The following CHN1 variants were observed in gnomAD, a reference collection of about 807,000 sequenced individuals.
CHN1 encodes the protein N-chimaerin.
Under a neutral mutation model 59.5 loss-of-function variants are expected in CHN1, and 37 were observed. The ratio of observed to expected loss-of-function variants is 0.62; its 90% confidence interval spans 0.48 to 0.82. The LOEUF is 0.82. Among genes scored for constraint, CHN1 ranks in the 40% least tolerant of loss-of-function variants. The pLI is 0.00. For synonymous variants in CHN1, 206 were observed against 200.4 expected, an observed-to-expected ratio of 1.03 and a Z score of -0.24; for missense variants, 469 against 571.0, an observed-to-expected ratio of 0.82 and a Z score of 1.82.
chr2:174,925,464 A>G (rs1384850422), intron 3 of CHN1, among the ~76,000 whole-genome samples: 1 of 152,212 alleles, frequency 6.6e-6, no homozygotes, highest in Non-Finnish European at 1.5e-5. Flanking sequence ...AACTGTGGAG[A>G]ATTTCCATTC....
chr2:174,945,267 A>G (rs370776393), intron 2 of CHN1: 39 of 400,218 alleles, frequency 9.7e-5, no homozygotes, highest in African/African-American at 7.6e-4. Context: ...GATGTCTATG[A>G]TATAAACCAA....
intron 5 of CHN1, among the ~76,000 whole-genome samples, chr2:174,890,458 T>A (rs184688106): frequency 3.4e-4 from 52 of 152,210 alleles, no homozygotes; most frequent in Admixed American, 1.9e-3. Flanking sequence ...CTCAAGAGGC[T>A]GAGGCAGAAG....
At chr2:174,940,083 G>GC (rs1689612890) in intron 3 of CHN1, among the ~76,000 whole-genome samples, 1 of 152,214 alleles carries the variant, frequency 6.6e-6, no homozygotes, top group African/African-American at 2.4e-5. Flanking sequence ...AAGCTGGAGT[G>GC]CAGTGGTGTG....
chr2:174,939,181 T>C (rs1284272558), intron 3 of CHN1, among the ~76,000 whole-genome samples: 2 of 152,164 alleles, frequency 1.3e-5, no homozygotes, highest in South Asian at 2.1e-4. Flanking sequence ...GACTCTAACA[T>C]CCATCTATTC....
chr2:174,959,665 T>C (rs1047249968), intron 1 of CHN1, among the ~76,000 whole-genome samples: 1 of 151,994 alleles, frequency 6.6e-6, no homozygotes, highest in African/African-American at 2.4e-5. Context: ...ATTCCTGAAA[T>C]AAAATGGCCT....
At chr2:174,824,982 AAC>A (rs750838297) in intron 7 of CHN1, among the ~76,000 whole-genome samples, 1 of 152,224 alleles carries the variant, frequency 6.6e-6, no homozygotes, top group Non-Finnish European at 1.5e-5. Flanking sequence ...ACAAGCAGTT[AAC>A]ATTTTTTTCA....
intron 5 of CHN1, among the ~76,000 whole-genome samples, chr2:174,884,164 G>A (rs1472695696): frequency 2.6e-5 from 4 of 151,510 alleles, no homozygotes; most frequent in Non-Finnish European, 4.4e-5. Flanking sequence ...GTAGAGACGG[G>A]GTTTCACCAT....
At position 174,799,861 on chromosome 2, in the gene CHN1, G is replaced by C; in HGVS notation, c.*255C>G. 1.7e-6 allele frequency: 1 copy of C among 593,950 alleles called. No homozygotes were observed. Among genetic ancestry groups the C allele is most frequent in the South Asian group, 1.5e-5 (1 of 65,728 alleles). The allele number at this position is 593,950 out of a possible 1,614,324, so 36.8% of individuals were successfully genotyped here. ...TGTATGGGGTTTCCTTGCCAGATAG[G>C]GGGCTAATCATGCAATAGCTTGAGT... On this transcript the variant is annotated 3_prime_UTR_variant, in exon 13 of 13. Transcript: ENST00000409900.
chr2:174,935,645 G>T (rs1470661004), intron 3 of CHN1, among the ~76,000 whole-genome samples: 1 of 152,114 alleles, frequency 6.6e-6, no homozygotes, highest in Non-Finnish European at 1.5e-5. Context: ...ACATGTGTTG[G>T]CCTGGCACGG....
intron 1 of CHN1, among the ~76,000 whole-genome samples, chr2:174,966,568 A>T (rs926285403): frequency 6.6e-6 from 1 of 152,214 alleles, no homozygotes; most frequent in Non-Finnish European, 1.5e-5. Context: ...TCCTGTAACC[A>T]GCTTGGCAGA....
intron 8 of CHN1, among the ~76,000 whole-genome samples, chr2:174,818,875 G>T (rs1381405660): frequency 1.3e-5 from 2 of 152,064 alleles, no homozygotes; most frequent in Non-Finnish European, 2.9e-5. Flanking sequence ...TTTTTGAAAG[G>T]AATAGCTGAT....
chr2:174,811,552 A>C lies in CHN1; in HGVS notation c.923T>G (p.Phe308Cys), dbSNP rs745662827. ...NSEGLYRVSG[F>C]SDLIEDVKMA... ...CTTGACATCTTCAATTAGGTCACTA[A>C]ATCCTGATACTCGGTATAGTCCTTC... Residue 308 changes from phenylalanine (F) to cysteine (C), a missense_variant, in exon 10 of 13, where the codon TTT (phenylalanine) becomes TGT (cysteine). Physicochemically the swap from Phe to Cys is radical, Grantham distance 205. Coordinates refer to ENST00000409900, the MANE Select transcript of CHN1 (RefSeq NM_001822.7). The C allele has an allele frequency of 6.2e-7, 1 of 1,611,890 alleles. No individual in the cohort carries two copies. The highest frequency in any genetic ancestry group is 8.5e-7 in the Non-Finnish European group (1 of 1,178,722).
At chr2:174,973,786 G>A (rs1254020311) in intron 1 of CHN1, among the ~76,000 whole-genome samples, 2 of 152,140 alleles carry the variant, frequency 1.3e-5, no homozygotes, top group Non-Finnish European at 2.9e-5. Flanking sequence ...CCCAGGGCAC[G>A]TCAATTGGAC....
chr2:174,839,526 T>C (rs1371845474), intron 7 of CHN1, among the ~76,000 whole-genome samples: 1 of 151,986 alleles, frequency 6.6e-6, no homozygotes, highest in Non-Finnish European at 1.5e-5. Context: ...GTTTCAGTTA[T>C]AATAGATTGA....
Position 174,851,730 on chromosome 2 carries a change from G to A in CHN1, c.550-4773C>T, listed in dbSNP as rs578066486. Among the ~76,000 whole-genome samples the A allele has an allele frequency of 2.6e-5, 4 of 152,212 alleles. No homozygotes were observed. The South Asian group carries it at 6.2e-4, about 24-fold the overall frequency. On this transcript the variant is annotated intron_variant, in intron 6 of 12. Transcript: ENST00000409900. ...ATATAGAGAGGAGGACTATAAAAAC[G>A]GTAAGGAGGAAGTCCTAGCCAGAAC... is the stretch of plus-strand genomic sequence containing the variant.
chr2:174,957,714 C>CT (rs1445858193), intron 1 of CHN1, among the ~76,000 whole-genome samples: 1 of 152,098 alleles, frequency 6.6e-6, no homozygotes, highest in Non-Finnish European at 1.5e-5. Flanking sequence ...CAGGTACCTC[C>CT]TGATCCACTG....
chr2:174,971,272 C>T (rs968779182), intron 1 of CHN1, among the ~76,000 whole-genome samples: 1 of 152,066 alleles, frequency 6.6e-6, no homozygotes, highest in Non-Finnish European at 1.5e-5. Flanking sequence ...GAGCCGAGAT[C>T]GTGCCACTGC....
chr2:174,851,832 T>G (rs1686739226), intron 6 of CHN1, among the ~76,000 whole-genome samples: 1 of 152,188 alleles, frequency 6.6e-6, no homozygotes, highest in South Asian at 2.1e-4. Context: ...GACAATATGA[T>G]TCTATACTTA....
At chr2:174,857,753 T>G (rs1222840172) in intron 6 of CHN1, among the ~76,000 whole-genome samples, 2 of 152,158 alleles carry the variant, frequency 1.3e-5, no homozygotes, top group Non-Finnish European at 2.9e-5. Flanking sequence ...TTGTCAATTT[T>G]TACCCAATTT....
Sources: allele counts gnomAD v4.1 joint callset (sites outside exome capture counted in the v4.1 genomes callset), GRCh38; gene constraint gnomAD v4.1.1; transcripts MANE v1.5; gene names NCBI Gene and HGNC (gene_info 2026-07-23, HGNC 2026-07-21).